Variants in TEK observed in about 807,000 individuals in gnomAD.
TEK encodes angiopoietin-1 receptor.
Under a neutral mutation model 131.8 loss-of-function variants are expected in TEK, and 43 were observed. The ratio of observed to expected loss-of-function variants is 0.33; its 90% confidence interval spans 0.26 to 0.42. TEK has a LOEUF of 0.42. TEK is among the 10% of genes least tolerant of loss of function. TEK has a pLI of 1.00. For missense variants in TEK, 1,162 were observed against 1,384.4 expected (o/e 0.84, Z 2.55); for synonymous variants, 580 against 491.6 (o/e 1.18, Z -2.38).
intron 11 of TEK, 42 bp downstream of exon 11, chr9:27,192,665 GAGGGGGAGGA>G: frequency 6.4e-7 from 1 of 1,570,090 alleles, no homozygotes; most frequent in Non-Finnish European, 8.7e-7. Flanking sequence ...AGCTGGGTGG[GAGGGGGAGGA>G]AGGGGAAAGA....
At chr9:27,125,721 G>A (rs1821960965) in intron 1 of TEK, among the ~76,000 whole-genome samples, 1 of 152,078 alleles carries the variant, frequency 6.6e-6, no homozygotes, top group Non-Finnish European at 1.5e-5. Flanking sequence ...CAAAATATAG[G>A]TGTATAACAA....
intron 19 of TEK, among the ~76,000 whole-genome samples, chr9:27,217,969 TCTGCATA>T (rs1825880608): frequency 6.6e-6 from 1 of 152,150 alleles, no homozygotes; most frequent in Admixed American, 6.5e-5. Flanking sequence ...TGGGTTTCCC[TCTGCATA>T]CTGAAGTTGT....
intron 1 of TEK, among the ~76,000 whole-genome samples, chr9:27,112,379 G>T (rs1487036752): frequency 2.6e-5 from 4 of 152,168 alleles, no homozygotes; most frequent in Non-Finnish European, 4.4e-5. Flanking sequence ...TGAAAGCTGG[G>T]ATCGGAGACA....
intron 1 of TEK, among the ~76,000 whole-genome samples, chr9:27,127,151 C>T (rs987456729): frequency 2.6e-5 from 4 of 152,060 alleles, no homozygotes; most frequent in Non-Finnish European, 4.4e-5. Context: ...TGACAGGTCC[C>T]GGTGTGTGAT....
chr9:27,212,764 G>A lies in TEK; in HGVS notation c.2744G>A (p.Arg915His), dbSNP rs387906745. The A allele has an allele frequency of 1.2e-6, 2 of 1,614,010 alleles. No individual in the cohort carries two copies. The highest frequency in any genetic ancestry group is 8.5e-7 in the Non-Finnish European group (1 of 1,180,008). The change falls in exon 17 of 23, where the codon CGC becomes CAC. Residue 915 changes from arginine (R) to histidine (H), a missense_variant. Arg to His is a conservative substitution (Grantham distance 29, BLOSUM62 0). Transcript: ENST00000380036. ...CATGGAAACCTTCTGGACTTCCTTC[G>A]CAAGAGCCGTGTGCTGGAGACGGAC... is the stretch of plus-strand genomic sequence containing the variant. ...APHGNLLDFL[R>H]KSRVLETDPA...
chr9:27,223,667 A>C (rs915557286), intron 21 of TEK, among the ~76,000 whole-genome samples: 1 of 152,238 alleles, frequency 6.6e-6, no homozygotes, highest in African/African-American at 2.4e-5. Context: ...AGAAAGCAGG[A>C]AAGATCTAAA....
At chr9:27,127,350 C>T (rs1822026744) in intron 1 of TEK, among the ~76,000 whole-genome samples, 1 of 152,138 alleles carries the variant, frequency 6.6e-6, no homozygotes, top group Admixed American at 6.5e-5. Flanking sequence ...ATATATGTGC[C>T]ACATATTCTT....
intron 1 of TEK, among the ~76,000 whole-genome samples, chr9:27,138,737 G>A (rs1021429797): frequency 3.3e-5 from 5 of 152,124 alleles, no homozygotes; most frequent in African/African-American, 1.2e-4. Flanking sequence ...AGTATTCACA[G>A]GATCTGAAAC....
rs1826483947 is a variant in TEK, at chr9:27,229,632, T to C, written c.*400T>C. On this transcript the variant is annotated 3_prime_UTR_variant, in exon 23 of 23. Transcript: ENST00000380036. ...CTGTGTCAAAGTAAAATATTGTTAA[T>C]AAACCTAACAATGACCCTGATAGTA... The C allele has an allele frequency of 4.0e-6, 1 of 249,286 alleles. No homozygotes were observed. The highest frequency in any genetic ancestry group is 2.2e-5 in the African/African-American group (1 of 45,194). 15.4% of individuals were successfully genotyped at this position (249,286 alleles called of 1,614,324 possible). A position where few individuals can be genotyped will look rare whatever the true frequency, so the allele number is the denominator to read the frequency against.
intron 1 of TEK, among the ~76,000 whole-genome samples, chr9:27,119,718 G>A (rs562492835): frequency 5.9e-5 from 9 of 152,184 alleles, no homozygotes; most frequent in Admixed American, 3.3e-4. Flanking sequence ...TTTCTGGGTC[G>A]TGACTGATCA....
intron 16 of TEK, among the ~76,000 whole-genome samples, chr9:27,209,751 A>G (rs1297278044): frequency 6.6e-6 from 1 of 152,262 alleles, no homozygotes; most frequent in Non-Finnish European, 1.5e-5. Flanking sequence ...TTCATGTACA[A>G]TTACAATGGA....
chr9:27,207,452 T>A (rs893044306), intron 15 of TEK, among the ~76,000 whole-genome samples: 1 of 152,202 alleles, frequency 6.6e-6, no homozygotes, highest in Non-Finnish European at 1.5e-5. Context: ...TGACTTAAGG[T>A]CATAAGAACT....
intron 1 of TEK, among the ~76,000 whole-genome samples, chr9:27,123,479 G>T (rs1274737531): frequency 2.0e-5 from 3 of 152,200 alleles, no homozygotes; most frequent in African/African-American, 7.2e-5. Context: ...ACTGTAATGA[G>T]GGTAGGTATT....
rs147915041 is a variant in TEK at position 27,160,072 on chromosome 9, G to A, written c.364+1930G>A. 3.8e-3 allele frequency among the ~76,000 whole-genome samples: 545 copies of A among 142,036 alleles called. 4 individuals carry two copies. The highest frequency in any genetic ancestry group is 0.013 in the African/African-American group (494 of 37,928). The allele number at this position is 142,036 out of a possible 152,430, so 93.2% of individuals were successfully genotyped here. On this transcript the variant is annotated intron_variant, in intron 2 of 22. Coordinates refer to ENST00000380036, the MANE Select transcript of TEK (RefSeq NM_000459.5). ...AAGGGTCTTGCTGTTGCCCAGGCTG[G>A]AGTGCAGTGGCACAATTACAGTTCA...
chr9:27,181,069 A>G (rs1001942855), intron 7 of TEK, among the ~76,000 whole-genome samples: 1 of 152,058 alleles, frequency 6.6e-6, no homozygotes, highest in African/African-American at 2.4e-5. Context: ...CTAATTTCTG[A>G]CAACCATTTA....
chr9:27,113,133 A>G (rs2131025291), intron 1 of TEK, among the ~76,000 whole-genome samples: 1 of 152,378 alleles, frequency 6.6e-6, no homozygotes, highest in South Asian at 2.1e-4. Flanking sequence ...AACATGGATT[A>G]CAAAGTCAAA....
chr9:27,220,436 T>TACA (rs1472580830), intron 21 of TEK, among the ~76,000 whole-genome samples: 1 of 151,980 alleles, frequency 6.6e-6, no homozygotes, highest in Non-Finnish European at 1.5e-5. Flanking sequence ...TCTTTAAACA[T>TACA]ACAACACTAT....
intron 7 of TEK, among the ~76,000 whole-genome samples, chr9:27,182,926 T>C (rs1289561203): frequency 6.6e-6 from 1 of 152,240 alleles, no homozygotes; most frequent in South Asian, 2.1e-4. Flanking sequence ...AGCAACTTTA[T>C]TCACCTTTTC....
At chr9:27,188,843 TAAGTA>T (rs1452359732) in intron 9 of TEK, among the ~76,000 whole-genome samples, 1 of 152,048 alleles carries the variant, frequency 6.6e-6, no homozygotes, top group Non-Finnish European at 1.5e-5. Flanking sequence ...AGCAAATAAA[TAAGTA>T]GAATGTACAG....
Sources: allele counts gnomAD v4.1 joint callset (sites outside exome capture counted in the v4.1 genomes callset), GRCh38; gene constraint gnomAD v4.1.1; transcripts MANE v1.5; gene names NCBI Gene and HGNC (gene_info 2026-07-23, HGNC 2026-07-21).